Variants in TNFSF4 observed in about 807,000 individuals in gnomAD.
TNFSF4 encodes the protein tumor necrosis factor ligand superfamily member 4.
Under a neutral mutation model 7.3 loss-of-function variants are expected in TNFSF4, and 4 were observed. The ratio of observed to expected loss-of-function variants is 0.55; its 90% CI spans 0.27 to 1.25. The LOEUF is 1.25. Among genes scored for constraint, TNFSF4 ranks in the 50% most tolerant of loss-of-function variants. TNFSF4 has a pLI of 0.12. For synonymous variants in TNFSF4, 76 were observed against 83.7 expected, an observed-to-expected ratio of 0.91 and a Z score of 0.50; for missense variants, 181 against 208.8, an observed-to-expected ratio of 0.87 and a Z score of 0.82.
At position 173,207,105 on chromosome 1, in the gene TNFSF4, T is replaced by C; in HGVS notation, c.72A>G (p.Leu24=). 3 of 1,613,800 alleles carry C rather than the reference T, an allele frequency of 1.9e-6. No individual in the cohort carries two copies. Among genetic ancestry groups the C allele is most frequent in the Non-Finnish European group, 2.5e-6 (3 of 1,179,870 alleles). The change falls in exon 1 of 3, where the codon CTA becomes CTG. Residue 24 remains leucine (L), a synonymous_variant. Coordinates refer to ENST00000281834, the MANE Select transcript of TNFSF4 (RefSeq NM_003326.5). ...AARPRFERNK[L]LLVASVIQGL... ...CCTGAATTACAGAGGCCACCAGCAATAGCTTGTTCCTCTCGAATCTTGGCC... is the reference window on the plus strand; with the variant it reads ...CCTGAATTACAGAGGCCACCAGCAACAGCTTGTTCCTCTCGAATCTTGGCC...
At chr1:173,274,443 A>G in the TNFSF4 span, among the ~76,000 whole-genome samples, 1 of 152,136 alleles carries the variant, frequency 6.6e-6, no homozygotes, top group Non-Finnish European at 1.5e-5. Flanking sequence ...ATATGGATGT[A>G]TAATTGCAAA....
chr1:173,221,993 A>C, the TNFSF4 span, among the ~76,000 whole-genome samples: 2 of 152,226 alleles, frequency 1.3e-5, no homozygotes, highest in Admixed American at 6.5e-5. Flanking sequence ...CAAAGCAGGC[A>C]ATGTGCATGG....
downstream of TNFSF4, among the ~76,000 whole-genome samples, chr1:173,179,366 C>T (rs994177287): frequency 6.6e-6 from 1 of 152,162 alleles, no homozygotes; most frequent in African/African-American, 2.4e-5. Context: ...GCTGTCCCTT[C>T]ACTTTCACCT....
At chr1:173,216,686 C>G in the TNFSF4 span, among the ~76,000 whole-genome samples, 1 of 152,034 alleles carries the variant, frequency 6.6e-6, no homozygotes, top group East Asian at 1.9e-4. Flanking sequence ...GTTTGTTCAC[C>G]CCTTTCTGCC....
the TNFSF4 span, among the ~76,000 whole-genome samples, chr1:173,412,562 TAAG>T: frequency 6.6e-6 from 1 of 152,164 alleles, no homozygotes; most frequent in African/African-American, 2.4e-5. Flanking sequence ...AACTATGAGC[TAAG>T]AAAATATATT....
At chr1:173,313,699 T>A in the TNFSF4 span, among the ~76,000 whole-genome samples, 104 of 152,246 alleles carry the variant, frequency 6.8e-4, 2 homozygotes, top group East Asian at 0.019. Context: ...TCGATAGTTC[T>A]CTTAATGACT....
chr1:173,173,314 A>G, the TNFSF4 span, among the ~76,000 whole-genome samples: 5 of 152,316 alleles, frequency 3.3e-5, no homozygotes, highest in East Asian at 1.9e-4. Context: ...GTCAAAATCC[A>G]TAGTCTCGTC....
the TNFSF4 span, among the ~76,000 whole-genome samples, chr1:173,241,476 G>C: frequency 6.6e-6 from 1 of 152,176 alleles, no homozygotes; most frequent in South Asian, 2.1e-4. Context: ...TGGAAAGTAA[G>C]CATGTGTTCT....
the TNFSF4 span, among the ~76,000 whole-genome samples, chr1:173,439,023 A>T: frequency 6.6e-6 from 1 of 152,320 alleles, no homozygotes; most frequent in Non-Finnish European, 1.5e-5. Context: ...ATACAAGCTG[A>T]GTGAGTGACA....
chr1:173,414,844 T>TCA, the TNFSF4 span, among the ~76,000 whole-genome samples: 1 of 152,194 alleles, frequency 6.6e-6, no homozygotes, highest in East Asian at 1.9e-4. Context: ...TCATATGACT[T>TCA]TGTGAGTGCT....
the TNFSF4 span, among the ~76,000 whole-genome samples, chr1:173,437,481 A>T: frequency 6.6e-6 from 1 of 152,138 alleles, no homozygotes; most frequent in African/African-American, 2.4e-5. Context: ...TGTACTTACA[A>T]AGGTCTTTCT....
At chr1:173,222,318 T>C in the TNFSF4 span, among the ~76,000 whole-genome samples, 73 of 152,246 alleles carry the variant, frequency 4.8e-4, 2 homozygotes, top group East Asian at 0.013. Context: ...AGACAAGATA[T>C]GAAAACTTCA....
the TNFSF4 span, among the ~76,000 whole-genome samples, chr1:173,319,573 C>T: frequency 6.6e-6 from 1 of 152,194 alleles, no homozygotes; most frequent in African/African-American, 2.4e-5. Flanking sequence ...AGAGAACACC[C>T]AACAGGGGTT....
At chr1:173,236,376 T>G in the TNFSF4 span, among the ~76,000 whole-genome samples, 4 of 150,610 alleles carry the variant, frequency 2.7e-5, no homozygotes, top group Non-Finnish European at 5.9e-5. Context: ...CAAGGCACAG[T>G]GTTTTCTGGG....
chr1:173,347,590 C>T, the TNFSF4 span, among the ~76,000 whole-genome samples: 1 of 152,214 alleles, frequency 6.6e-6, no homozygotes, highest in Non-Finnish European at 1.5e-5. Flanking sequence ...CACAAAGCTT[C>T]TATTCTATTG....
the TNFSF4 span, among the ~76,000 whole-genome samples, chr1:173,227,442 C>T: frequency 5.9e-5 from 9 of 152,126 alleles, no homozygotes; most frequent in African/African-American, 1.2e-4. Flanking sequence ...ACGGTAGGGG[C>T]GGTTCCAAGT....
chr1:173,338,554 G>A, the TNFSF4 span, among the ~76,000 whole-genome samples: 1 of 152,098 alleles, frequency 6.6e-6, no homozygotes, highest in Non-Finnish European at 1.5e-5. Flanking sequence ...GCAGGGCTAG[G>A]GCAAGGTTCT....
chr1:173,363,457 G>A, the TNFSF4 span: 1 of 378,662 alleles, frequency 2.6e-6, no homozygotes, highest in South Asian at 2.6e-5. Flanking sequence ...TGTTTCTCTA[G>A]ACAAGGTTTT....
the TNFSF4 span, among the ~76,000 whole-genome samples, chr1:173,175,857 G>A: frequency 1.1e-4 from 17 of 152,264 alleles, no homozygotes; most frequent in African/African-American, 4.1e-4. Context: ...AAAGACTTTT[G>A]TTGGCGCATA....
Sources: allele counts gnomAD v4.1 joint callset (sites outside exome capture counted in the v4.1 genomes callset), GRCh38; gene constraint gnomAD v4.1.1; transcripts MANE v1.5; gene names NCBI Gene and HGNC (gene_info 2026-07-23, HGNC 2026-07-21).